COL21A1: variants seen among roughly 807,000 people sequenced by gnomAD.
The protein encoded by COL21A1 is collagen type XXI alpha 1 chain, also known as collagen alpha-1(XXI) chain.
A neutral mutation model predicts 137.9 loss-of-function variants in COL21A1; 149 were observed. That is an observed-to-expected ratio of 1.08 (90% CI 0.95 to 1.24). The LOEUF (loss-of-function observed/expected upper bound fraction) is 1.24. Among genes scored for constraint, COL21A1 ranks in the 50% most tolerant of loss-of-function variants. The pLI is 0.00. For synonymous variants in COL21A1, 456 were observed against 391.5 expected (o/e 1.16, Z -1.95); for missense variants, 1,167 against 1,158.4 (o/e 1.01, Z -0.11).
At chr6:56,155,908 C>CTAA (rs1487324477) in intron 10 of COL21A1, among the ~76,000 whole-genome samples, 1 of 152,148 alleles carries the variant, frequency 6.6e-6, no homozygotes, top group African/African-American at 2.4e-5. Context: ...CAGCCAAAAG[C>CTAA]TAATTCTTCG....
At chr6:56,096,255 A>G (rs1769315221) in intron 17 of COL21A1, among the ~76,000 whole-genome samples, 1 of 152,036 alleles carries the variant, frequency 6.6e-6, no homozygotes, top group Admixed American at 6.6e-5. Flanking sequence ...ACCTATGTTC[A>G]TACCATTCAT....
chr6:56,189,977 C>T (rs1487717240), intron 1 of COL21A1, among the ~76,000 whole-genome samples: 1 of 152,092 alleles, frequency 6.6e-6, no homozygotes, highest in Non-Finnish European at 1.5e-5. Context: ...AAGCACTAAA[C>T]ATGGCAAGGA....
At chr6:56,064,701 A>G in intron 23 of COL21A1, 79 bp from the exon 24 acceptor site, 2 of 822,726 alleles carry the variant, frequency 2.4e-6, no homozygotes, top group Non-Finnish European at 1.8e-6. Flanking sequence ...ACTATGTATT[A>G]CCTTGAGTTC....
intron 1 of COL21A1, among the ~76,000 whole-genome samples, chr6:56,240,251 G>A (rs1782206493): frequency 1.3e-5 from 2 of 151,660 alleles, no homozygotes; most frequent in African/African-American, 4.9e-5. Context: ...TTATAAAAGA[G>A]GTTTCAGGCA....
chr6:56,188,603 A>G (rs1410174741), intron 1 of COL21A1, among the ~76,000 whole-genome samples: 1 of 152,220 alleles, frequency 6.6e-6, no homozygotes, highest in Non-Finnish European at 1.5e-5. Flanking sequence ...TGAAGAGATC[A>G]GTGGACATGC....
intron 17 of COL21A1, among the ~76,000 whole-genome samples, chr6:56,092,426 C>A (rs1303497391): frequency 6.6e-6 from 1 of 152,010 alleles, no homozygotes; most frequent in Non-Finnish European, 1.5e-5. Flanking sequence ...CATTTAATTG[C>A]TTCAAATTTA....
At chr6:56,390,767 A>C (rs1267406729) in intron 1 of COL21A1, among the ~76,000 whole-genome samples, 1 of 152,172 alleles carries the variant, frequency 6.6e-6, no homozygotes, top group Admixed American at 6.5e-5. Context: ...TTCAGCAAGA[A>C]GATATTACAC....
At chr6:56,225,320 T>C (rs1781118795) in intron 1 of COL21A1, among the ~76,000 whole-genome samples, 1 of 152,104 alleles carries the variant, frequency 6.6e-6, no homozygotes, top group Admixed American at 6.6e-5. Context: ...TGGTCTTCAT[T>C]CATTCCAACA....
At chr6:56,134,748 G>C (rs1257972631) in intron 12 of COL21A1, among the ~76,000 whole-genome samples, 1 of 152,182 alleles carries the variant, frequency 6.6e-6, no homozygotes, top group East Asian at 1.9e-4. Flanking sequence ...CGTGAGATCT[G>C]ATCGTTTTAA....
chr6:56,137,778 T>C (rs1774108413), intron 12 of COL21A1, among the ~76,000 whole-genome samples: 1 of 152,078 alleles, frequency 6.6e-6, no homozygotes. Context: ...ATCCAATAAA[T>C]AAGGCAAGAC....
At chr6:56,153,519 C>T (rs931812761) in intron 10 of COL21A1, among the ~76,000 whole-genome samples, 1 of 151,948 alleles carries the variant, frequency 6.6e-6, no homozygotes, top group African/African-American at 2.4e-5. Context: ...CCCAATTCTA[C>T]TGCTCTGGGT....
intron 1 of COL21A1, among the ~76,000 whole-genome samples, chr6:56,265,631 G>A (rs1763375095): frequency 6.6e-6 from 1 of 152,140 alleles, no homozygotes; most frequent in African/African-American, 2.4e-5. Context: ...ATATCCCATG[G>A]TTCCCACTGG....
chr6:56,161,030 G>A (rs1252750594), intron 9 of COL21A1, among the ~76,000 whole-genome samples: 1 of 152,014 alleles, frequency 6.6e-6, no homozygotes, highest in Admixed American at 6.5e-5. Flanking sequence ...AATCTAGGAG[G>A]ACTCTACTCA....
chr6:56,117,916 A>G (rs1031797327), intron 16 of COL21A1, among the ~76,000 whole-genome samples: 2 of 152,036 alleles, frequency 1.3e-5, no homozygotes, highest in African/African-American at 4.8e-5. Flanking sequence ...ACCAAAATCT[A>G]TGGGATACAG....
intron 16 of COL21A1, among the ~76,000 whole-genome samples, chr6:56,120,765 G>A (rs1772418723): frequency 6.8e-6 from 1 of 147,460 alleles, no homozygotes. Context: ...TTGCACTCCA[G>A]CCTGGGCAAC....
Position 56,194,202 on chromosome 6 carries a change from T to G in COL21A1, c.-38-11546A>C, listed in dbSNP as rs115327850. 9.4e-4 allele frequency among the ~76,000 whole-genome samples: 143 copies of G among 152,332 alleles called. 1 individual carries two copies. Among genetic ancestry groups the G allele is most frequent in the African/African-American group, 3.3e-3 (137 of 41,568 alleles). ...CTATTTATATGTAATTCATTCAGAT[T>G]TTTTGGGCAAAGTTAATTCCCTGAT... is the stretch of plus-strand genomic sequence containing the variant. On this transcript the variant is annotated intron_variant, in intron 1 of 29. Coordinates refer to ENST00000244728, the MANE Select transcript of COL21A1 (RefSeq NM_030820.4).
chr6:56,321,097 T>G (rs560716790), intron 1 of COL21A1, among the ~76,000 whole-genome samples: 16 of 152,292 alleles, frequency 1.1e-4, no homozygotes, highest in African/African-American at 3.6e-4. Context: ...TGCTAGAAAT[T>G]GCAGAGCTTC....
intron 1 of COL21A1, among the ~76,000 whole-genome samples, chr6:56,393,193 C>T (rs1322140910): frequency 6.6e-6 from 1 of 151,980 alleles, no homozygotes; most frequent in Non-Finnish European, 1.5e-5. Flanking sequence ...GAAATAAATG[C>T]ACAGATTTAT....
intron 1 of COL21A1, among the ~76,000 whole-genome samples, chr6:56,264,834 C>T (rs537967144): frequency 1.3e-5 from 2 of 152,302 alleles, no homozygotes; most frequent in South Asian, 2.1e-4. Flanking sequence ...TTCTATCCTT[C>T]ACCATCACCA....
Sources: gnomAD v4.1 joint callset for allele counts (sites outside exome capture counted in the v4.1 genomes callset) on GRCh38, gnomAD v4.1.1 for gene constraint, MANE v1.5 for transcripts, NCBI Gene and HGNC (gene_info 2026-07-23, HGNC 2026-07-21) for gene names.